DOCK3: variants seen among roughly 807,000 people sequenced by gnomAD.
DOCK3 encodes dedicator of cytokinesis protein 3.
DOCK3 carries 60 observed loss-of-function variants against 265.6 expected under a neutral mutation model. The ratio of observed to expected loss-of-function variants is 0.23; its 90% CI spans 0.18 to 0.28. The LOEUF (loss-of-function observed/expected upper bound fraction) is 0.28. DOCK3 is among the 10% of genes least tolerant of loss of function. The pLI is 1.00. For missense variants in DOCK3, 1,981 were observed against 2,594.3 expected (o/e 0.76, Z 5.14); for synonymous variants, 881 against 938.0 (o/e 0.94, Z 1.11).
At chr3:50,994,794 T>G (rs1179168873) in intron 5 of DOCK3, among the ~76,000 whole-genome samples, 1 of 152,148 alleles carries the variant, frequency 6.6e-6, no homozygotes, top group East Asian at 1.9e-4. Context: ...TTTATAGGCC[T>G]GATGTGAGAG....
chr3:50,687,610 T>A (rs760656984), intron 1 of DOCK3, among the ~76,000 whole-genome samples: 3 of 152,238 alleles, frequency 2.0e-5, no homozygotes, highest in Non-Finnish European at 4.4e-5. Context: ...TACTTTAATG[T>A]GGTTGATAAT....
chr3:50,879,002 C>A (rs922217621), intron 3 of DOCK3, among the ~76,000 whole-genome samples: 1 of 152,108 alleles, frequency 6.6e-6, no homozygotes, highest in Non-Finnish European at 1.5e-5. Context: ...GAATTTTCAA[C>A]CCAGAATTTC....
At position 51,088,564 on chromosome 3, in the gene DOCK3, T is replaced by A. The variant is rs181337924; in HGVS notation, c.550-679T>A. Among the ~76,000 whole-genome samples, 232 of 152,334 alleles carry A rather than the reference T, an allele frequency of 1.5e-3. 2 individuals carry two copies. Among genetic ancestry groups the A allele is most frequent in the Non-Finnish European group, 1.0e-3 (69 of 68,020 alleles). On this transcript the variant is annotated intron_variant, in intron 7 of 52. Coordinates refer to ENST00000266037, the MANE Select transcript of DOCK3 (RefSeq NM_004947.5). Reference sequence around the variant, plus strand: ...AAAATATTATGTATCAATTTAAACATTTTTAAAAAATTGAAAACCTAGGAT... The same window carrying A: ...AAAATATTATGTATCAATTTAAACAATTTTAAAAAATTGAAAACCTAGGAT...
chr3:51,043,227 C>T (rs2080611312), intron 5 of DOCK3, among the ~76,000 whole-genome samples: 1 of 152,152 alleles, frequency 6.6e-6, no homozygotes, highest in Non-Finnish European at 1.5e-5. Flanking sequence ...GGTACTGGTA[C>T]AAGAACAGAC....
intron 7 of DOCK3, among the ~76,000 whole-genome samples, chr3:51,079,328 GTTTTA>G (rs1012627977): frequency 9.2e-5 from 14 of 151,782 alleles, no homozygotes; most frequent in African/African-American, 3.4e-4. Flanking sequence ...TTATTTGTTT[GTTTTA>G]TTTTGTTTGT....
At chr3:51,174,598 C>A (rs1051042974) in intron 12 of DOCK3, among the ~76,000 whole-genome samples, 1 of 152,034 alleles carries the variant, frequency 6.6e-6, no homozygotes, top group East Asian at 1.9e-4. Flanking sequence ...TTATTTTGAA[C>A]TCTTCATTAA....
intron 2 of DOCK3, among the ~76,000 whole-genome samples, chr3:50,828,121 G>A (rs1270064380): frequency 6.6e-6 from 1 of 151,966 alleles, no homozygotes; most frequent in Admixed American, 6.6e-5. Context: ...CAGAGACAAG[G>A]TTTCATCATA....
chr3:50,744,191 A>G (rs563489961), intron 1 of DOCK3, among the ~76,000 whole-genome samples: 1 of 152,204 alleles, frequency 6.6e-6, no homozygotes, highest in Non-Finnish European at 1.5e-5. Context: ...ATTATAAGAC[A>G]TATGATTTAC....
At chr3:51,199,374 T>A (rs904577465) in intron 12 of DOCK3, among the ~76,000 whole-genome samples, 1 of 152,072 alleles carries the variant, frequency 6.6e-6, no homozygotes, top group Non-Finnish European at 1.5e-5. Flanking sequence ...AAACGACACA[T>A]CAGGAGATTA....
intron 2 of DOCK3, among the ~76,000 whole-genome samples, chr3:50,803,748 G>GC (rs1225247191): frequency 3.3e-5 from 5 of 150,916 alleles, no homozygotes; most frequent in African/African-American, 1.2e-4. Context: ...GGCGGGGGCT[G>GC]CCCCCCACCT....
chr3:51,178,464 A>AC (rs2087095469), intron 12 of DOCK3, among the ~76,000 whole-genome samples: 1 of 152,076 alleles, frequency 6.6e-6, no homozygotes, highest in Non-Finnish European at 1.5e-5. Flanking sequence ...CAGCGTTCAC[A>AC]CCCCCATTCT....
chr3:50,790,886 A>T (rs979300709), intron 2 of DOCK3, among the ~76,000 whole-genome samples: 4 of 151,914 alleles, frequency 2.6e-5, no homozygotes, highest in African/African-American at 9.7e-5. Context: ...ACTTTTTTTC[A>T]TATGCTTCTT....
At chr3:51,105,992 G>C (rs2083264383) in intron 9 of DOCK3, among the ~76,000 whole-genome samples, 1 of 152,234 alleles carries the variant, frequency 6.6e-6, no homozygotes, top group African/African-American at 2.4e-5. Flanking sequence ...TATGTTGACA[G>C]GGAAAGCTGC....
chr3:51,082,254 T>C (rs1206095045), intron 7 of DOCK3, among the ~76,000 whole-genome samples: 2 of 151,852 alleles, frequency 1.3e-5, no homozygotes, highest in Non-Finnish European at 2.9e-5. Flanking sequence ...TTTGAGAGCC[T>C]AGCTCCCACC....
intron 23 of DOCK3, among the ~76,000 whole-genome samples, chr3:51,264,667 A>T (rs968421950): frequency 1.3e-5 from 2 of 151,130 alleles, no homozygotes; most frequent in African/African-American, 4.9e-5. Context: ...CTCTACTAAA[A>T]ATACAAAAAA....
chr3:51,307,539 G>C (rs1364945436), intron 27 of DOCK3, among the ~76,000 whole-genome samples: 3 of 152,058 alleles, frequency 2.0e-5, no homozygotes, highest in African/African-American at 7.2e-5. Flanking sequence ...ATAACTCTCC[G>C]CATTTTGTAA....
intron 2 of DOCK3, among the ~76,000 whole-genome samples, chr3:50,798,337 A>C (rs1032120751): frequency 6.6e-6 from 1 of 152,216 alleles, no homozygotes; most frequent in African/African-American, 2.4e-5. Flanking sequence ...ACTGCCCATG[A>C]TCTGCAGAGT....
rs764307212 is a variant in DOCK3 at position 51,064,538 on chromosome 3, C to T, written c.406C>T (p.Gln136Ter). 2 of 1,613,972 alleles carry T rather than the reference C, an allele frequency of 1.2e-6. No individual in the cohort carries two copies. The highest frequency in any genetic ancestry group is 1.7e-6 in the Non-Finnish European group (2 of 1,179,880). Residue 136 changes from glutamine to a stop codon, truncating the protein, a stop_gained, in exon 6 of 53, where the codon CAG becomes TAG. Transcript: ENST00000266037. LOFTEE classifies it high-confidence loss of function. Reference sequence around the variant, plus strand: ...GCAGCTACTGTCTGGTCACCTGACTCAGGATCAGGTGCGGGAGGTTAAGCG... The same window carrying T: ...GCAGCTACTGTCTGGTCACCTGACTTAGGATCAGGTGCGGGAGGTTAAGCG... ...RRQLLSGHLTQDQVREVKRHI... is the reference protein window; with the variant it reads ...RRQLLSGHLT
intron 27 of DOCK3, 69 bp from the exon 28 acceptor site, chr3:51,310,163 A>C (rs2082981365): frequency 8.1e-7 from 1 of 1,228,794 alleles, no homozygotes; most frequent in South Asian, 1.3e-5. Flanking sequence ...AGTGGCGGCC[A>C]GGAGTGGCCT....
Sources: allele counts gnomAD v4.1 joint callset (sites outside exome capture counted in the v4.1 genomes callset), GRCh38; gene constraint gnomAD v4.1.1; transcripts MANE v1.5; gene names NCBI Gene and HGNC (gene_info 2026-07-23, HGNC 2026-07-21).